The following TNFAIP8L2 variants were observed in gnomAD, a reference collection of about 807,000 sequenced individuals.
The protein encoded by TNFAIP8L2 is tumor necrosis factor alpha-induced protein 8-like protein 2.
Under a neutral mutation model 5.6 loss-of-function variants are expected in TNFAIP8L2, and 2 were observed. The ratio of observed to expected loss-of-function variants is 0.36; its 90% CI spans 0.15 to 1.13. The LOEUF (loss-of-function observed/expected upper bound fraction) is 1.13. Ranked by LOEUF, TNFAIP8L2 falls within the 50% of genes most tolerant of loss-of-function variation. The pLI, the probability that TNFAIP8L2 is intolerant of heterozygous loss-of-function variation, is 0.40. For missense variants in TNFAIP8L2, 216 were observed against 241.8 expected, an observed-to-expected ratio of 0.89 and a Z score of 0.71; for synonymous variants, 91 against 101.1, an observed-to-expected ratio of 0.90 and a Z score of 0.60.
chr1:151,157,909 C>A (rs116326939), intron 1 of TNFAIP8L2, among the ~76,000 whole-genome samples: 1 of 152,154 alleles, frequency 6.6e-6, no homozygotes, highest in Non-Finnish European at 1.5e-5. Flanking sequence ...AAATGAGTTG[C>A]GTTTGATCTT....
Position 151,158,749 on chromosome 1 carries a change from C to G in TNFAIP8L2, c.52C>G (p.Leu18Val). ...GGCACTGCAAGCAGAGAAGAAGCTA[C>G]TGAGTAAGATGGCGGGTCGCTCTGT... ...SLALQAEKKL[L>V]SKMAGRSVAH... Residue 18 changes from leucine to valine, a missense_variant, in exon 2 of 2, where the codon CTG becomes GTG. Physicochemically the swap from Leu to Val is conservative, Grantham distance 32. Transcript: ENST00000368910. 1 of 1,613,448 alleles carries G rather than the reference C, an allele frequency of 6.2e-7. No individual in the cohort carries two copies. The highest frequency in any genetic ancestry group is 8.5e-7 in the Non-Finnish European group (1 of 1,179,602).
At chr1:151,157,868 G>C (rs1312455144) in intron 1 of TNFAIP8L2, among the ~76,000 whole-genome samples, 1 of 152,306 alleles carries the variant, frequency 6.6e-6, no homozygotes, top group South Asian at 2.1e-4. Flanking sequence ...GAAGTATAGT[G>C]CACTAGCTGC....
rs1371022085 is a variant in TNFAIP8L2, at chr1:151,158,745, G to A, written c.48G>A (p.Lys16=). The A allele has an allele frequency of 6.2e-7, 1 of 1,613,118 alleles. No homozygotes were observed. ...GCCTGGCACTGCAAGCAGAGAAGAA[G>A]CTACTGAGTAAGATGGCGGGTCGCT... ...SKSLALQAEK[K]LLSKMAGRSV... is the part of the protein sequence containing the mutation. The change falls in exon 2 of 2, where the codon AAG becomes AAA. Residue 16 remains lysine (K), a synonymous_variant. Transcript: ENST00000368910.
intron 1 of TNFAIP8L2, among the ~76,000 whole-genome samples, chr1:151,158,239 C>G (rs587754845): frequency 1.1e-4 from 17 of 151,624 alleles, no homozygotes; most frequent in African/African-American, 3.9e-4. Flanking sequence ...AGGAGAATAG[C>G]TTGAACCCGG....
chr1:151,158,977 C>T lies in TNFAIP8L2; in HGVS notation c.280C>T (p.Leu94=). The change falls in exon 2 of 2, where the codon CTG becomes TTG. Residue 94 remains leucine (L), a synonymous_variant. Coordinates refer to ENST00000368910, the MANE Select transcript of TNFAIP8L2 (RefSeq NM_024575.5). The part of the protein sequence containing the change: ...LALATRFRQK[L]RQGAMTALSF... The stretch of plus-strand genomic sequence containing the variant: ...CCTGGCTACCCGCTTTCGCCAGAAG[C>T]TGCGGCAGGGTGCCATGACGGCACT... 6.2e-7 allele frequency: 1 copy of T among 1,614,280 alleles called. No homozygotes were observed. Among genetic ancestry groups the T allele is most frequent in the Non-Finnish European group, 8.5e-7 (1 of 1,180,050 alleles).
In TNFAIP8L2 at chr1:151,159,122, G is replaced by T; in HGVS notation, c.425G>T (p.Arg142Leu). 1 of 1,614,090 alleles carries T rather than the reference G, an allele frequency of 6.2e-7. No homozygotes were observed. Among genetic ancestry groups the T allele is most frequent in the Non-Finnish European group, 8.5e-7 (1 of 1,180,048 alleles). The part of the protein sequence containing the change: ...EHHLTPKSHG[R>L]IRHVFDHFSD... ...CACCTCACGCCCAAGTCACATGGCC[G>T]CATCCGCCACGTGTTTGATCACTTC... Residue 142 changes from arginine (R) to leucine (L), a missense_variant, in exon 2 of 2, where the codon CGC becomes CTC. Physicochemically the swap from Arg to Leu is moderately radical, Grantham distance 102. Coordinates refer to ENST00000368910, the MANE Select transcript of TNFAIP8L2 (RefSeq NM_024575.5).
rs974875925 is a variant in TNFAIP8L2, at chr1:151,159,356, C to A, written c.*104C>A. On this transcript the variant is annotated 3_prime_UTR_variant, in exon 2 of 2. Coordinates refer to ENST00000368910, the MANE Select transcript of TNFAIP8L2 (RefSeq NM_024575.5). ...TCACCTGGCACTAACACTTTTCAAT[C>A]TTCAGGCTTCATTCCTTCCCAAGAG... The A allele has an allele frequency of 1.7e-6, 2 of 1,195,472 alleles. No individual in the cohort carries two copies. The highest frequency in any genetic ancestry group is 1.5e-5 in the African/African-American group (1 of 64,700). 74.1% of individuals were successfully genotyped at this position (1,195,472 alleles called of 1,614,324 possible). A position where few individuals can be genotyped will look rare whatever the true frequency, so the allele number is the denominator to read the frequency against.
Position 151,158,656 on chromosome 1 carries a change from T to A in TNFAIP8L2, c.-32-10T>A. The A allele has an allele frequency of 6.7e-7, 1 of 1,499,034 alleles. No individual in the cohort carries two copies. 92.9% of individuals were successfully genotyped at this position (1,499,034 alleles called of 1,614,324 possible). A position where few individuals can be genotyped will look rare whatever the true frequency, so the allele number is the denominator to read the frequency against. The stretch of plus-strand genomic sequence containing the variant: ...TCTCTTTCTAAGGAAGCCTGTGGCC[T>A]TTCTTCTAGTGACTGACCACATACC... On this transcript the variant is annotated splice_polypyrimidine_tract_variant and intron_variant, in intron 1 of 1. Transcript: ENST00000368910.
chr1:151,159,265 TA>T lies in TNFAIP8L2; in HGVS notation c.*14del. Reference sequence around the variant, plus strand: ...AGGGAAGCTCTGAGAGCCCTGAGCCTAGCACATTCCACCTTGACAAAATGGT... The same window carrying T: ...AGGGAAGCTCTGAGAGCCCTGAGCCTGCACATTCCACCTTGACAAAATGGT... On this transcript the variant is annotated 3_prime_UTR_variant, in exon 2 of 2. Transcript: ENST00000368910. The T allele has an allele frequency of 2.5e-6, 4 of 1,599,266 alleles. No homozygotes were observed. Among genetic ancestry groups the T allele is most frequent in the Non-Finnish European group, 3.4e-6 (4 of 1,170,180 alleles).
Position 151,158,801 on chromosome 1 carries a change from G to A in TNFAIP8L2, c.104G>A (p.Ser35Asn). The A allele has an allele frequency of 6.2e-7, 1 of 1,614,124 alleles. No individual in the cohort carries two copies. Among genetic ancestry groups the A allele is most frequent in the Non-Finnish European group, 8.5e-7 (1 of 1,180,032 alleles). ...SVAHLFIDET[S>N]SEVLDELYRV... ...GCTCATCTCTTCATAGATGAGACAA[G>A]CAGTGAGGTGCTAGATGAGCTCTAC... is the stretch of plus-strand genomic sequence containing the variant. Residue 35 changes from serine (S) to asparagine (N), a missense_variant, in exon 2 of 2, where the codon AGC (serine) becomes AAC (asparagine). By Grantham distance (46) the Ser-to-Asn change is conservative. Coordinates refer to ENST00000368910, the MANE Select transcript of TNFAIP8L2 (RefSeq NM_024575.5).
chr1:151,157,525 C>G (rs925185251), intron 1 of TNFAIP8L2, among the ~76,000 whole-genome samples: 1 of 152,174 alleles, frequency 6.6e-6, no homozygotes, highest in African/African-American at 2.4e-5. Context: ...AGGCTCAGAC[C>G]TTCAGGACTG....
intron 1 of TNFAIP8L2, 74 bp from the exon 2 acceptor site, chr1:151,158,592 G>C: frequency 8.9e-7 from 1 of 1,117,562 alleles, no homozygotes; most frequent in East Asian, 2.5e-5. Flanking sequence ...ATGATGACAT[G>C]GAAACTAAAG....
In TNFAIP8L2 at chr1:151,159,257, C is replaced by A; in HGVS notation, c.*5C>A. 1 of 1,608,534 alleles carries A rather than the reference C, an allele frequency of 6.2e-7. No homozygotes were observed. Among genetic ancestry groups the A allele is most frequent in the South Asian group, 1.1e-5 (1 of 90,610 alleles). On this transcript the variant is annotated 3_prime_UTR_variant, in exon 2 of 2. Transcript: ENST00000368910. ...CTAGACGAAGGGAAGCTCTGAGAGC[C>A]CTGAGCCTAGCACATTCCACCTTGA...
intron 1 of TNFAIP8L2, 122 bp from the exon 2 acceptor site, chr1:151,158,544 G>C: frequency 1.4e-6 from 1 of 734,932 alleles, no homozygotes; most frequent in South Asian, 2.0e-5. Flanking sequence ...AGAGGACTGA[G>C]GGGCCCCAGG....
intron 1 of TNFAIP8L2, among the ~76,000 whole-genome samples, chr1:151,157,920 G>A (rs979225102): frequency 4.6e-5 from 7 of 152,174 alleles, no homozygotes; most frequent in African/African-American, 1.7e-4. Flanking sequence ...GTTTGATCTT[G>A]GGTAAATTAC....
At chr1:151,157,595 G>A (rs1218561403) in intron 1 of TNFAIP8L2, among the ~76,000 whole-genome samples, 1 of 152,182 alleles carries the variant, frequency 6.6e-6, no homozygotes, top group Non-Finnish European at 1.5e-5. Flanking sequence ...ACCACACTGG[G>A]AGCATTCCGG....
At chr1:151,158,556 G>T (rs1009777198) in intron 1 of TNFAIP8L2, 110 bp from the exon 2 acceptor site, 14 of 841,244 alleles carry the variant, frequency 1.7e-5, no homozygotes, top group Non-Finnish European at 2.2e-5. Context: ...GGCCCCAGGG[G>T]GCGGAGAGGA....
chr1:151,158,605 G>A, intron 1 of TNFAIP8L2, 61 bp from the exon 2 acceptor site: 1 of 1,217,744 alleles, frequency 8.2e-7, no homozygotes. Flanking sequence ...AACTAAAGAA[G>A]CAACAGAAAA....
At chr1:151,157,551 G>A (rs886351121) in intron 1 of TNFAIP8L2, among the ~76,000 whole-genome samples, 1 of 152,208 alleles carries the variant, frequency 6.6e-6, no homozygotes, top group Non-Finnish European at 1.5e-5. Context: ...CCTTCTTGAG[G>A]TGTTGGCTTC....
Sources: allele counts gnomAD v4.1 joint callset (sites outside exome capture counted in the v4.1 genomes callset), GRCh38; gene constraint gnomAD v4.1.1; transcripts MANE v1.5; gene names NCBI Gene and HGNC (gene_info 2026-07-23, HGNC 2026-07-21).